The following SLC49A3 variants were observed in gnomAD, a reference collection of about 807,000 sequenced individuals.
SLC49A3 encodes solute carrier family 49 member 3.
SLC49A3 carries 50 observed loss-of-function variants against 43.8 expected under a neutral mutation model. The ratio of observed to expected loss-of-function variants is 1.14; its 90% confidence interval spans 0.91 to 1.45. SLC49A3 has a LOEUF of 1.45. SLC49A3 is among the 40% of genes most tolerant of loss of function. The pLI is 0.00. For missense variants in SLC49A3, 906 were observed against 774.1 expected (o/e 1.17, Z -2.02); for synonymous variants, 413 against 352.0 (o/e 1.17, Z -1.94).
rs973463104 is a variant in SLC49A3, at chr4:682,275, G to A, written c.1363C>T (p.Pro455Ser). Residue 455 changes from proline (P) to serine (S), a missense_variant, in exon 10 of 10, where the codon CCC (proline) becomes TCC (serine). By Grantham distance (74) the Pro-to-Ser change is moderately conservative. Transcript: ENST00000322224. The stretch of plus-strand genomic sequence containing the variant: ...CCCACGGCGTTACGGGTGGAGGGGG[G>A]CTCCCCAGACTCGGCCTGCAGGCGC... Reference protein sequence around the residue: ...YRRLQAESGEPPSTRNAVGGA... With the variant: ...YRRLQAESGESPSTRNAVGGA... 3 of 1,370,538 alleles carry A rather than the reference G, an allele frequency of 2.2e-6. No homozygotes were observed. Among genetic ancestry groups the A allele is most frequent in the South Asian group, 1.9e-5 (1 of 52,146 alleles). 84.9% of individuals were successfully genotyped at this position (1,370,538 alleles called of 1,614,324 possible).
At chr4:681,685 G>T (rs866449575), downstream of SLC49A3, 55 of 14,842 alleles carry the variant, frequency 3.7e-3, no homozygotes, top group African/African-American at 0.014. Context: ...GCGCCGCCCC[G>T]CCCCCTCCAG....
rs1306684749 is a variant in SLC49A3 at position 682,277 on chromosome 4, TC to T, written c.1360del (p.Glu454SerfsTer45). 2 of 1,353,148 alleles carry T rather than the reference TC, an allele frequency of 1.5e-6. No individual in the cohort carries two copies. The allele number at this position is 1,353,148 out of a possible 1,614,324, so 83.8% of individuals were successfully genotyped here. ...CACGGCGTTACGGGTGGAGGGGGGC[TC>T]CCCAGACTCGGCCTGCAGGCGCCGG... ...PYRRLQAESG[E>X]PPSTRNAVGG... On this transcript the variant is annotated frameshift_variant, in exon 10 of 10. Coordinates refer to ENST00000322224, the MANE Select transcript of SLC49A3 (RefSeq NM_032219.4). LOFTEE classifies it low-confidence loss of function (END_TRUNC).
downstream of SLC49A3, among the ~76,000 whole-genome samples, chr4:679,431 G>GC (rs1249199592): frequency 4.6e-5 from 7 of 152,232 alleles, no homozygotes; most frequent in Non-Finnish European, 8.8e-5. Context: ...TGGAGACGCT[G>GC]CCCAGCCTCT....
At chr4:683,080 C>A (rs1056348247) in intron 8 of SLC49A3, 130 bp downstream of exon 8, 9 of 1,315,170 alleles carry the variant, frequency 6.8e-6, no homozygotes, top group Non-Finnish European at 2.1e-6. Flanking sequence ...CCTGCTCGGC[C>A]CTTGCCAGAG....
upstream of SLC49A3, among the ~76,000 whole-genome samples, chr4:691,583 A>C (rs1476426076): frequency 1.3e-5 from 2 of 151,780 alleles, no homozygotes; most frequent in Non-Finnish European, 2.9e-5. Flanking sequence ...CAACAGAGGG[A>C]GACTCTGTCA....
chr4:683,077 G>C, intron 8 of SLC49A3, 133 bp downstream of exon 8: 4 of 1,271,332 alleles, frequency 3.1e-6, no homozygotes, highest in Non-Finnish European at 3.3e-6. Context: ...GAACCTGCTC[G>C]GCCCTTGCCA....
At position 682,209 on chromosome 4, in the gene SLC49A3, C is replaced by G; in HGVS notation, c.1429G>C (p.Gly477Arg). 2.2e-6 allele frequency: 3 copies of G among 1,372,864 alleles called. No individual in the cohort carries two copies. Among genetic ancestry groups the G allele is most frequent in the Non-Finnish European group, 2.9e-6 (3 of 1,051,944 alleles). The allele number at this position is 1,372,864 out of a possible 1,614,324, so 85.0% of individuals were successfully genotyped here. Residue 477 changes from glycine (G) to arginine (R), a missense_variant, in exon 10 of 10, where the codon GGA (glycine) becomes CGA (arginine). Physicochemically the swap from Gly to Arg is moderately radical, Grantham distance 125 (BLOSUM62 -2). Coordinates refer to ENST00000322224, the MANE Select transcript of SLC49A3 (RefSeq NM_032219.4). ...CTGGGCCCCAGGACCCCAGCCCTTC[C>G]TGCTCCCCCTCGGTCCACACCCGGC... ...SGPGVDRGGA[G>R]RAGVLGPSTA...
At chr4:676,905 C>T (rs1490574480), downstream of SLC49A3, 20 of 985,256 alleles carry the variant, frequency 2.0e-5, no homozygotes, top group Admixed American at 1.2e-4. Context: ...TCATAGAGGC[C>T]GCTGGACCTG....
chr4:680,927 C>CT, downstream of SLC49A3: 1 of 779,070 alleles, frequency 1.3e-6, no homozygotes, highest in Non-Finnish European at 2.1e-6. Context: ...GTGATGGCCC[C>CT]TGAGTGTGTG....
downstream of SLC49A3, chr4:678,389 G>A (rs570902142): frequency 5.0e-6 from 7 of 1,413,820 alleles, no homozygotes; most frequent in African/African-American, 4.3e-5. Flanking sequence ...CTGCTGGACG[G>A]CGATCCCTGA....
downstream of SLC49A3, chr4:676,904 C>A (rs986939568): frequency 1.0e-6 from 1 of 985,386 alleles, no homozygotes; most frequent in Non-Finnish European, 1.2e-6. Context: ...TTCATAGAGG[C>A]CGCTGGACCT....
At chr4:677,812 G>T, downstream of SLC49A3, 2 of 701,240 alleles carry the variant, frequency 2.9e-6, no homozygotes, top group East Asian at 2.7e-5. Context: ...TGGGGAGGCT[G>T]GGGGCCTTGC....
At chr4:677,994 T>TGGGCAGACGCATCAAAGC (rs771413252), downstream of SLC49A3, 1 of 1,613,280 alleles carries the variant, frequency 6.2e-7, no homozygotes, top group Non-Finnish European at 8.5e-7. Context: ...CCTGGGGCCC[T>TGGGCAGACGCATCAAAGC]GGGCAGACGC....
downstream of SLC49A3, chr4:680,963 A>C (rs1298498636): frequency 1.9e-6 from 2 of 1,067,928 alleles, no homozygotes; most frequent in Non-Finnish European, 2.8e-6. Flanking sequence ...CCCCAGGGCC[A>C]CACTCCAGCG....
downstream of SLC49A3, chr4:680,400 T>G (rs1290729637): frequency 3.2e-5 from 37 of 1,164,272 alleles, no homozygotes; most frequent in Non-Finnish European, 4.4e-5. Flanking sequence ...GGGCAGAGGC[T>G]TGGAGTCTCC....
intron 7 of SLC49A3, 92 bp downstream of exon 7, chr4:683,517 A>C (rs2109404194): frequency 6.7e-7 from 1 of 1,503,314 alleles, no homozygotes; most frequent in Non-Finnish European, 8.9e-7. Flanking sequence ...GACAGTCCAG[A>C]CCTCTGTTCC....
Position 688,996 on chromosome 4 carries a change from G to A in SLC49A3, c.132C>T (p.Ala44=). The change falls in exon 1 of 10, where the codon GCC becomes GCT. Residue 44 remains alanine, a synonymous_variant. Coordinates refer to ENST00000322224, the MANE Select transcript of SLC49A3 (RefSeq NM_032219.4). ...LAISLLNCSN[A]TLWLSFAPVA... ...CTGTCCCCGCCCCTGCCCCTACCGT[G>A]GCGTTGGAGCAGTTGAGCAGGCTGA... 6.3e-7 allele frequency: 1 copy of A among 1,594,650 alleles called. No homozygotes were observed. Among genetic ancestry groups the A allele is most frequent in the Non-Finnish European group, 8.5e-7 (1 of 1,172,454 alleles).
downstream of SLC49A3, chr4:679,996 C>G: frequency 6.2e-7 from 1 of 1,613,252 alleles, no homozygotes; most frequent in Non-Finnish European, 8.5e-7. Context: ...TGTTTCTGAA[C>G]CTGTTTGGGG....
chr4:681,776 C>T (rs1739689008), downstream of SLC49A3: 2 of 1,220,522 alleles, frequency 1.6e-6, no homozygotes, highest in Admixed American at 4.4e-5. Flanking sequence ...ACCCCGCACC[C>T]GGGCCCCTCC....
Sources: allele counts gnomAD v4.1 joint callset (sites outside exome capture counted in the v4.1 genomes callset), GRCh38; gene constraint gnomAD v4.1.1; transcripts MANE v1.5; gene names NCBI Gene and HGNC (gene_info 2026-07-23, HGNC 2026-07-21).